SUGT1: variants seen among roughly 807,000 people sequenced by gnomAD.
The protein encoded by SUGT1 is SGT1 assembly cochaperone of MIS12 kinetochore complex, also known as protein SGT1 homolog.
SUGT1 carries 15 observed loss-of-function variants against 56.1 expected under a neutral mutation model. That is an observed-to-expected ratio of 0.27 (90% confidence interval 0.18 to 0.41). The LOEUF (loss-of-function observed/expected upper bound fraction) is 0.41. Among genes scored for constraint, SUGT1 ranks in the 10% least tolerant of loss-of-function variants. The pLI, the probability that SUGT1 is intolerant of heterozygous loss-of-function variation, is 1.00. For synonymous variants in SUGT1, 123 were observed against 128.6 expected (o/e 0.96, Z 0.30); for missense variants, 347 against 382.2 (o/e 0.91, Z 0.77).
intron 5 of SUGT1, among the ~76,000 whole-genome samples, chr13:52,659,899 A>T (rs1962361089): frequency 7.4e-6 from 1 of 134,796 alleles, no homozygotes; most frequent in Admixed American, 8.6e-5. Flanking sequence ...CGCGATCTCG[A>T]CTCACTGCAA....
intron 12 of SUGT1, among the ~76,000 whole-genome samples, chr13:52,686,139 G>C (rs1384198046): frequency 6.6e-6 from 1 of 151,946 alleles, no homozygotes; most frequent in African/African-American, 2.4e-5. Flanking sequence ...CGTTGGCCAG[G>C]CTGGTCTTGA....
chr13:52,697,986 G>C lies in SUGT1; in HGVS notation c.*10151G>C, dbSNP rs1963984618. The C allele has an allele frequency of 6.6e-6, 1 of 152,178 alleles. No homozygotes were observed. The highest frequency in any genetic ancestry group is 2.1e-4 in the South Asian group (1 of 4,824). The allele number at this position is 152,178 out of a possible 1,614,324, so 9.4% of individuals were successfully genotyped here. Reference sequence around the variant, plus strand: ...AAACTATAGGTAATAGCATATGTTAGTCTAATCTTTGTTTAGCAAAGCTAT... The same window carrying C: ...AAACTATAGGTAATAGCATATGTTACTCTAATCTTTGTTTAGCAAAGCTAT... On this transcript the variant is annotated 3_prime_UTR_variant, in exon 13 of 13. Coordinates refer to ENST00000310528, the MANE Select transcript of SUGT1 (RefSeq NM_006704.5).
chr13:52,662,095 A>G (rs1248993686), intron 5 of SUGT1, among the ~76,000 whole-genome samples: 2 of 152,336 alleles, frequency 1.3e-5, no homozygotes, highest in East Asian at 1.9e-4. Context: ...CTCGACTGCC[A>G]TGTAACTTGG....
rs1963848350 is a variant in SUGT1 at position 52,693,822 on chromosome 13, A to G, written c.*5987A>G. 1 of 152,192 alleles carries G rather than the reference A, an allele frequency of 6.6e-6. No individual in the cohort carries two copies. The highest frequency in any genetic ancestry group is 1.5e-5 in the Non-Finnish European group (1 of 68,038). 9.4% of individuals were successfully genotyped at this position (152,192 alleles called of 1,614,324 possible). A position where few individuals can be genotyped will look rare whatever the true frequency, so the allele number is the denominator to read the frequency against. ...TTGCAGCAGAAATATTAAATGTTTA[A>G]TTATAGAATGCTAGCACTGATCCTG... On this transcript the variant is annotated 3_prime_UTR_variant, in exon 13 of 13. Coordinates refer to ENST00000310528, the MANE Select transcript of SUGT1 (RefSeq NM_006704.5).
At chr13:52,658,126 T>TA in intron 3 of SUGT1, 2 of 1,347,006 alleles carry the variant, frequency 1.5e-6, no homozygotes, top group Non-Finnish European at 1.9e-6. Context: ...TGAGTAAAAT[T>TA]ACATAGAAAA....
chr13:52,682,792 C>A (rs951832820), intron 12 of SUGT1, among the ~76,000 whole-genome samples: 1 of 152,218 alleles, frequency 6.6e-6, no homozygotes, highest in Non-Finnish European at 1.5e-5. Context: ...TGGGCAGACT[C>A]ATTCCTCCTA....
chr13:52,677,015 G>T (rs1429389879), intron 11 of SUGT1, among the ~76,000 whole-genome samples: 1 of 152,166 alleles, frequency 6.6e-6, no homozygotes, highest in Non-Finnish European at 1.5e-5. Flanking sequence ...CTTCATTAAT[G>T]AGTGGAGGGA....
At chr13:52,668,546 A>C (rs1962808841) in intron 10 of SUGT1, among the ~76,000 whole-genome samples, 1 of 152,198 alleles carries the variant, frequency 6.6e-6, no homozygotes, top group African/African-American at 2.4e-5. Context: ...GTTAATTATG[A>C]GGCAGATTTT....
Position 52,689,130 on chromosome 13 carries a change from C to T in SUGT1, c.*1295C>T, listed in dbSNP as rs888516699. On this transcript the variant is annotated 3_prime_UTR_variant, in exon 13 of 13. Coordinates refer to ENST00000310528, the MANE Select transcript of SUGT1 (RefSeq NM_006704.5). ...CAAAACAGTAGGAATTCAGCTCCTT[C>T]CTTCTCGTCCTTTGTTGTGGGGTGT... 2.6e-5 allele frequency: 4 copies of T among 151,992 alleles called. No individual in the cohort carries two copies. Among genetic ancestry groups the T allele is most frequent in the Non-Finnish European group, 5.9e-5 (4 of 68,108 alleles). 9.4% of individuals were successfully genotyped at this position (151,992 alleles called of 1,614,324 possible).
rs1242134431 is a variant in SUGT1 at position 52,688,968 on chromosome 13, C to T, written c.*1133C>T. 3.3e-5 allele frequency: 5 copies of T among 152,002 alleles called. No homozygotes were observed. The highest frequency in any genetic ancestry group is 7.3e-5 in the Non-Finnish European group (5 of 68,030). 9.4% of individuals were successfully genotyped at this position (152,002 alleles called of 1,614,324 possible). A position where few individuals can be genotyped will look rare whatever the true frequency, so the allele number is the denominator to read the frequency against. ...TGTAGATCTGACTTTGTTTTCTCAC[C>T]ATGATTTTCTCAACTGTAATACCCC... On this transcript the variant is annotated 3_prime_UTR_variant, in exon 13 of 13. Transcript: ENST00000310528.
At chr13:52,657,704 T>G in intron 3 of SUGT1, 82 bp downstream of exon 3, 1 of 1,312,770 alleles carries the variant, frequency 7.6e-7, no homozygotes, top group South Asian at 1.4e-5. Flanking sequence ...AAGTTGTCTT[T>G]GAGAATTTTT....
rs370172506 is a variant in SUGT1, at chr13:52,686,963, C to T, written c.901-771C>T. ...GTGCATGCCTGTAATCCCAGCTACT[C>T]GGGAGGCTGAGGCAGGAGAAGCGCT... On this transcript the variant is annotated intron_variant, in intron 12 of 12. Coordinates refer to ENST00000310528, the MANE Select transcript of SUGT1 (RefSeq NM_006704.5). Among the ~76,000 whole-genome samples the T allele has an allele frequency of 6.2e-4, 87 of 140,820 alleles. No individual in the cohort carries two copies. The East Asian group carries it at 0.018, about 29-fold the overall frequency. 92.4% of individuals were successfully genotyped at this position (140,820 alleles called of 152,430 possible).
chr13:52,663,977 T>C, intron 7 of SUGT1, 58 bp from the exon 8 acceptor site: 1 of 1,538,820 alleles, frequency 6.5e-7, no homozygotes, highest in South Asian at 1.1e-5. Flanking sequence ...ATACAGTTGC[T>C]AAACTGACTT....
chr13:52,663,174 T>G (rs1384220264), intron 7 of SUGT1, 62 bp downstream of exon 7: 62 of 1,542,514 alleles, frequency 4.0e-5, no homozygotes, highest in Non-Finnish European at 5.4e-5. Context: ...ACCAAATATA[T>G]TTGAGACAAG....
intron 10 of SUGT1, among the ~76,000 whole-genome samples, chr13:52,672,369 C>T (rs1051060443): frequency 7.9e-5 from 12 of 152,272 alleles, no homozygotes; most frequent in East Asian, 3.9e-4. Context: ...CTGTTTCTGG[C>T]ACAGAGTAGG....
At position 52,690,870 on chromosome 13, in the gene SUGT1, C is replaced by CT. The variant is rs1291700800; in HGVS notation, c.*3041dup. 1 of 152,040 alleles carries CT rather than the reference C, an allele frequency of 6.6e-6. No homozygotes were observed. The highest frequency in any genetic ancestry group is 1.5e-5 in the Non-Finnish European group (1 of 68,014). The allele number at this position is 152,040 out of a possible 1,614,324, so 9.4% of individuals were successfully genotyped here. Reference sequence around the variant, plus strand: ...CTAGTTTTTAAAAACATTTTTATTCCTTTTTTAAAAATTTGTTTAGAGACA... The same window carrying CT: ...CTAGTTTTTAAAAACATTTTTATTCCTTTTTTTAAAAATTTGTTTAGAGACA... On this transcript the variant is annotated 3_prime_UTR_variant, in exon 13 of 13. Transcript: ENST00000310528.
intron 11 of SUGT1, among the ~76,000 whole-genome samples, chr13:52,679,296 C>G (rs1051458516): frequency 6.6e-6 from 1 of 152,188 alleles, no homozygotes; most frequent in African/African-American, 2.4e-5. Flanking sequence ...GCAAGCAGCT[C>G]TGTTTACTCC....
At chr13:52,676,714 C>T (rs1963156414) in intron 11 of SUGT1, among the ~76,000 whole-genome samples, 1 of 152,164 alleles carries the variant, frequency 6.6e-6, no homozygotes, top group Non-Finnish European at 1.5e-5. Context: ...GTTCCTTCTA[C>T]TGATACTGTC....
intron 12 of SUGT1, among the ~76,000 whole-genome samples, chr13:52,685,259 T>C (rs4884234): frequency 0.14 from 195 of 1,434 alleles, 2 homozygotes; most frequent in East Asian, 0.28. Context: ...TCTTCTTCTT[T>C]TTTTTTTTTT....
Sources: gnomAD v4.1 joint callset for allele counts (sites outside exome capture counted in the v4.1 genomes callset) on GRCh38, gnomAD v4.1.1 for gene constraint, MANE v1.5 for transcripts, NCBI Gene and HGNC (gene_info 2026-07-23, HGNC 2026-07-21) for gene names.